DGCR6L: variants seen among roughly 807,000 people sequenced by gnomAD.
The protein encoded by DGCR6L is DiGeorge syndrome critical region gene 6 like.
Under a neutral mutation model 31.1 loss-of-function variants are expected in DGCR6L, and 24 were observed. The ratio of observed to expected loss-of-function variants is 0.77; its 90% CI spans 0.56 to 1.08. DGCR6L has a LOEUF of 1.08. DGCR6L is among the 50% of genes least tolerant of loss of function. The pLI, the probability that DGCR6L is intolerant of heterozygous loss-of-function variation, is 0.00. For missense variants in DGCR6L, 218 were observed against 287.1 expected (o/e 0.76, Z 1.74); for synonymous variants, 104 against 126.1 (o/e 0.82, Z 1.17).
At position 20,319,800 on chromosome 22, in the gene DGCR6L, C is replaced by A; in HGVS notation, c.111-1G>T. ...GTAGGACAGGCGCTGCTGGAAAGAG[C>A]TGCGGGTAGGGGGGCGCGGTGAGCC... On this transcript the variant is annotated splice_acceptor_variant, in intron 1 of 4. Transcript: ENST00000248879. LOFTEE classifies it high-confidence loss of function. 6.2e-7 allele frequency: 1 copy of A among 1,608,978 alleles called. No individual in the cohort carries two copies. The highest frequency in any genetic ancestry group is 8.5e-7 in the Non-Finnish European group (1 of 1,177,910).
intron 2 of DGCR6L, chr22:20,318,383 A>C (rs1395552577): frequency 1.3e-5 from 2 of 152,246 alleles, no homozygotes; most frequent in African/African-American, 2.4e-5. Flanking sequence ...GTGGAGAAGC[A>C]GGTTAAATGC....
chr22:20,317,613 A>G (rs1602680818), intron 2 of DGCR6L, among the ~76,000 whole-genome samples: 1 of 152,262 alleles, frequency 6.6e-6, no homozygotes, highest in Admixed American at 6.5e-5. Flanking sequence ...ATCCTGCTAT[A>G]AGGAACTATA....
Position 20,315,719 on chromosome 22 carries a change from C to T in DGCR6L, c.373-243G>A, listed in dbSNP as rs551568444. On this transcript the variant is annotated intron_variant, in intron 3 of 4. Transcript: ENST00000248879. ...GACTGCCTTAGGACCACACACACAT[C>T]TCCACAGGCACACCCTGCCCCACGG... 5.9e-5 allele frequency among the ~76,000 whole-genome samples: 9 copies of T among 152,354 alleles called. No homozygotes were observed. The East Asian group carries it at 1.5e-3, about 26-fold the overall frequency.
Position 20,315,800 on chromosome 22 carries a change from G to A in DGCR6L, c.372+319C>T, listed in dbSNP as rs549928966. Among the ~76,000 whole-genome samples, 16 of 152,280 alleles carry A rather than the reference G, an allele frequency of 1.1e-4. No homozygotes were observed. In the East Asian group the frequency reaches 1.9e-3, roughly 18 times the overall value. On this transcript the variant is annotated intron_variant, in intron 3 of 4. Coordinates refer to ENST00000248879, the MANE Select transcript of DGCR6L (RefSeq NM_033257.4). ...CCCTGTGCTCCCTGGGAGAAGGATG[G>A]GCCCCTTCCTGGCCCCAACACCCTA...
At chr22:20,314,997 T>C in intron 4 of DGCR6L, 173 bp from the exon 5 acceptor site, 1 of 1,418,706 alleles carries the variant, frequency 7.0e-7, no homozygotes, top group Non-Finnish European at 9.7e-7. Context: ...CCACTCGGAA[T>C]CTGAGCCTCT....
chr22:20,315,306 G>A, intron 4 of DGCR6L, 30 bp downstream of exon 4: 1 of 1,601,314 alleles, frequency 6.2e-7, no homozygotes, highest in Non-Finnish European at 8.5e-7. Context: ...GGGGCACTCG[G>A]GCTAGGGCAG....
intron 2 of DGCR6L, among the ~76,000 whole-genome samples, chr22:20,319,170 G>A (rs937402737): frequency 2.6e-5 from 4 of 152,208 alleles, no homozygotes; most frequent in African/African-American, 9.6e-5. Flanking sequence ...GGGTTTGGGA[G>A]GGCGCCACAG....
intron 2 of DGCR6L, among the ~76,000 whole-genome samples, chr22:20,317,183 C>A (rs764993309): frequency 6.6e-6 from 1 of 152,222 alleles, no homozygotes; most frequent in Non-Finnish European, 1.5e-5. Context: ...GCCTGGCTCC[C>A]GCTGTGCCTA....
intron 2 of DGCR6L, among the ~76,000 whole-genome samples, chr22:20,316,631 C>T (rs776085611): frequency 2.6e-5 from 4 of 152,218 alleles, no homozygotes; most frequent in African/African-American, 4.8e-5. Flanking sequence ...GCAGGAGGAG[C>T]GGGGTCGCTG....
Position 20,319,895 on chromosome 22 carries a change from C to A in DGCR6L, c.94G>T (p.Val32Leu), listed in dbSNP as rs1197480116. ...CCTGCGTACCTGGGCAACTCCTTCA[C>A]CAGGCTCTGTAGCGCCGACAGCAAC... ...YQLLSALQSLVKELPSSFQQR... is the reference protein window; with the variant it reads ...YQLLSALQSLLKELPSSFQQR... The change falls in exon 1 of 5, where the codon GTG (valine) becomes TTG (leucine). Residue 32 changes from valine to leucine, a missense_variant. Transcript: ENST00000248879. 2 of 1,610,646 alleles carry A rather than the reference C, an allele frequency of 1.2e-6. No individual in the cohort carries two copies.
chr22:20,319,852 A>G (rs1421004900), intron 1 of DGCR6L, 27 bp downstream of exon 1: 3 of 1,592,976 alleles, frequency 1.9e-6, no homozygotes, highest in Non-Finnish European at 2.6e-6. Context: ...CCGCCTCCGC[A>G]GGCCTCCGCC....
Position 20,315,369 on chromosome 22 carries a change from C to G in DGCR6L, c.480G>C (p.Gly160=). Residue 160 remains glycine (G), a synonymous_variant, in exon 4 of 5, where the codon GGG becomes GGC. Coordinates refer to ENST00000248879, the MANE Select transcript of DGCR6L (RefSeq NM_033257.4). ...ADQQSTLEKA[G]VAGFYVTTNP... ...TGGTGGTCACGTAGAAGCCAGCCAC[C>G]CCCGCCTTCTCCAGTGTGCTCTGCT... The G allele has an allele frequency of 6.2e-7, 1 of 1,613,866 alleles. No individual in the cohort carries two copies. The highest frequency in any genetic ancestry group is 8.5e-7 in the Non-Finnish European group (1 of 1,179,992).
chr22:20,315,594 C>G, intron 3 of DGCR6L, 118 bp from the exon 4 acceptor site: 3 of 1,438,568 alleles, frequency 2.1e-6, no homozygotes, highest in Non-Finnish European at 2.8e-6. Context: ...GGCAGCAGCT[C>G]TGACACCACC....
rs2051556999 is a variant in DGCR6L, at chr22:20,314,592, G to C, written c.*83C>G. On this transcript the variant is annotated 3_prime_UTR_variant, in exon 5 of 5. Transcript: ENST00000248879. ...GGGTCCACCTGGTCTCTCCTCAGCA[G>C]GGGGAACCCCCTGCGGGCAGCTGGG... 11 of 1,481,874 alleles carry C rather than the reference G, an allele frequency of 7.4e-6. No homozygotes were observed. The Admixed American group carries it at 2.7e-4, about 37-fold the overall frequency. 91.8% of individuals were successfully genotyped at this position (1,481,874 alleles called of 1,614,324 possible). A position where few individuals can be genotyped will look rare whatever the true frequency, so the allele number is the denominator to read the frequency against.
chr22:20,317,549 C>A (rs1379950784), intron 2 of DGCR6L, among the ~76,000 whole-genome samples: 1 of 152,238 alleles, frequency 6.6e-6, no homozygotes, highest in African/African-American at 2.4e-5. Flanking sequence ...GGGCCTGGCC[C>A]AAACCTTCTG....
chr22:20,314,953 C>T (rs754353697), intron 4 of DGCR6L, 129 bp from the exon 5 acceptor site: 3 of 1,543,394 alleles, frequency 1.9e-6, no homozygotes, highest in South Asian at 1.2e-5. Flanking sequence ...CCTGCCAGGA[C>T]AGGGTGGAAT....
At chr22:20,319,538 C>T in intron 2 of DGCR6L, 101 bp downstream of exon 2, 2 of 1,492,594 alleles carry the variant, frequency 1.3e-6, no homozygotes, top group Non-Finnish European at 1.8e-6. Flanking sequence ...AGACCTCTTC[C>T]GAACACTTCC....
At chr22:20,316,090 G>C (rs1368316126) in intron 3 of DGCR6L, 29 bp downstream of exon 3, 1 of 1,576,960 alleles carries the variant, frequency 6.3e-7, no homozygotes, top group East Asian at 2.3e-5. Flanking sequence ...GGAGAGCTGG[G>C]CCGGCCACCC....
At chr22:20,318,508 C>A (rs965724235) in intron 2 of DGCR6L, 1 of 152,206 alleles carries the variant, frequency 6.6e-6, no homozygotes, top group Non-Finnish European at 1.5e-5. Flanking sequence ...GTTTCAGAAG[C>A]AAAGAGACCA....
Sources: allele counts gnomAD v4.1 joint callset (sites outside exome capture counted in the v4.1 genomes callset), GRCh38; gene constraint gnomAD v4.1.1; transcripts MANE v1.5; gene names NCBI Gene and HGNC (gene_info 2026-07-23, HGNC 2026-07-21).